Variants in PALB2 observed in about 807,000 individuals in gnomAD.
PALB2 encodes partner and localizer of BRCA2.
Under a neutral mutation model 107.4 loss-of-function variants are expected in PALB2, and 82 were observed. The observed-to-expected ratio is 0.76, with a 90% CI of 0.64 to 0.92. The LOEUF is 0.92. PALB2 is among the 40% of genes least tolerant of loss of function. The pLI is 0.00. For synonymous variants in PALB2, 489 were observed against 496.8 expected (o/e 0.98, Z 0.21); for missense variants, 1,374 against 1,379.9 (o/e 1.00, Z 0.07).
At chr16:23,613,982 G>A (rs1233575092) in intron 11 of PALB2, 22 bp downstream of exon 11, 2 of 1,570,816 alleles carry the variant, frequency 1.3e-6, no homozygotes, top group African/African-American at 1.4e-5. Context: ...ACACAAAGTG[G>A]TCCCAGCCAG....
Position 23,635,670 on chromosome 16 carries a change from T to C in PALB2, c.876A>G (p.Gln292=), listed in dbSNP as rs1408180894. The C allele has an allele frequency of 6.2e-7, 1 of 1,614,104 alleles. No homozygotes were observed. The highest frequency in any genetic ancestry group is 1.1e-5 in the South Asian group (1 of 91,076). The change falls in exon 4 of 13, where the codon CAA becomes CAG. Residue 292 remains glutamine, a synonymous_variant. Coordinates refer to ENST00000261584, the MANE Select transcript of PALB2 (RefSeq NM_024675.4). ...RFTSPVSLEA[Q]GKKMTVSTDN... ...CTGTAGAGACAGTCATTTTTTTGCC[T>C]TGTGCCTCCAAACTTACAGGTGAAG...
In PALB2 at chr16:23,607,722, C is replaced by A. The variant is rs999269089; in HGVS notation, c.3350+142G>T. On this transcript the variant is annotated intron_variant, in intron 12 of 12. Transcript: ENST00000261584. ...TTGACTCAAGTCCACTAATCTTCATCCTACTTCTGAATATTCCTATCATGA... is the reference window on the plus strand; with the variant it reads ...TTGACTCAAGTCCACTAATCTTCATACTACTTCTGAATATTCCTATCATGA... 3.9e-6 allele frequency: 4 copies of A among 1,036,666 alleles called. No individual in the cohort carries two copies. In the South Asian group the frequency reaches 4.0e-5, roughly 10 times the overall value. 64.2% of individuals were successfully genotyped at this position (1,036,666 alleles called of 1,614,324 possible).
chr16:23,638,125 T>C lies in PALB2; in HGVS notation c.53A>G (p.Lys18Arg), dbSNP rs138789658. Residue 18 changes from lysine to arginine, a missense_variant, in exon 2 of 13, where the codon AAG becomes AGG. By Grantham distance (26) the Lys-to-Arg change is conservative. Transcript: ENST00000261584. Reference sequence around the variant, plus strand: ...CCTTTTCAAGAATGCTAATTTCTCCTTTAACTGGAAGAAGAAAAACACCAA... The same window carrying C: ...CCTTTTCAAGAATGCTAATTTCTCCCTTAACTGGAAGAAGAAAAACACCAA... ...PLSCEEKEKL[K>R]EKLAFLKREY... 1,486 of 1,613,708 alleles carry C rather than the reference T, an allele frequency of 9.2e-4. 7 individuals carry two copies. In the African/African-American group the frequency reaches 0.016, roughly 17 times the overall value.
chr16:23,627,254 G>A (rs1013234170), intron 6 of PALB2, among the ~76,000 whole-genome samples: 4 of 151,730 alleles, frequency 2.6e-5, no homozygotes, highest in Non-Finnish European at 5.9e-5. Context: ...TTGGGAGGCC[G>A]AGGCGGGTGG....
chr16:23,617,893 C>G (rs973693857), intron 10 of PALB2: 1 of 152,004 alleles, frequency 6.6e-6, no homozygotes, highest in African/African-American at 2.4e-5. Flanking sequence ...ATAGAAATCC[C>G]TCCCCAACTT....
chr16:23,610,497 C>T (rs1156638475), intron 11 of PALB2, among the ~76,000 whole-genome samples: 1 of 151,340 alleles, frequency 6.6e-6, no homozygotes. Context: ...TTAGGAGAGA[C>T]GGAGTTTCAC....
At position 23,636,037 on chromosome 16, in the gene PALB2, C is replaced by G. The variant is rs898765598; in HGVS notation, c.509G>C (p.Arg170Thr). 3 of 1,614,050 alleles carry G rather than the reference C, an allele frequency of 1.9e-6. No homozygotes were observed. The highest frequency in any genetic ancestry group is 2.5e-6 in the Non-Finnish European group (3 of 1,179,964). ...TTCCTTTAGTCTTTTCCCAGACAATCTGAGTGAATCAGTGCCAAAGACACA... is the reference window on the plus strand; with the variant it reads ...TTCCTTTAGTCTTTTCCCAGACAATGTGAGTGAATCAGTGCCAAAGACACA... The part of the protein sequence containing the change: ...RDCVFGTDSL[R>T]LSGKRLKEQE... The change falls in exon 4 of 13, where the codon AGA (arginine) becomes ACA (threonine). Residue 170 changes from arginine to threonine, a missense_variant. By Grantham distance (71) the Arg-to-Thr change is moderately conservative. Coordinates refer to ENST00000261584, the MANE Select transcript of PALB2 (RefSeq NM_024675.4).
At chr16:23,612,243 GAC>G (rs1966600231) in intron 11 of PALB2, among the ~76,000 whole-genome samples, 1 of 152,140 alleles carries the variant, frequency 6.6e-6, no homozygotes, top group South Asian at 2.1e-4. Context: ...TTTATTTTGA[GAC>G]AGAGTCTTGC....
At chr16:23,630,546 G>A in intron 4 of PALB2, 77 bp from the exon 5 acceptor site, 1 of 1,128,570 alleles carries the variant, frequency 8.9e-7, no homozygotes, top group Non-Finnish European at 1.3e-6. Context: ...ATGACAAAGA[G>A]AATAGGATCT....
At chr16:23,607,026 C>G (rs970420043) in intron 12 of PALB2, among the ~76,000 whole-genome samples, 1 of 151,316 alleles carries the variant, frequency 6.6e-6, no homozygotes, top group Admixed American at 6.6e-5. Flanking sequence ...CTTGGCCAGG[C>G]TGGTGAACTC....
intron 4 of PALB2, among the ~76,000 whole-genome samples, chr16:23,631,768 T>C (rs1966880061): frequency 6.6e-6 from 1 of 152,132 alleles, no homozygotes; most frequent in Admixed American, 6.6e-5. Flanking sequence ...GCTGCCAGAG[T>C]ATGTTCTACA....
intron 4 of PALB2, 79 bp from the exon 5 acceptor site, chr16:23,630,548 A>C: frequency 8.9e-7 from 1 of 1,120,776 alleles, no homozygotes; most frequent in East Asian, 2.6e-5. Context: ...GACAAAGAGA[A>C]TAGGATCTCC....
At position 23,635,431 on chromosome 16, in the gene PALB2, C is replaced by G. The variant is rs786204243; in HGVS notation, c.1115G>C (p.Ser372Thr). The change falls in exon 4 of 13, where the codon AGT becomes ACT. Residue 372 changes from serine to threonine, a missense_variant. Transcript: ENST00000261584. ...LDGRNENLQE[S>T]EILSQPKSLS... ...ACTCTTAGGTTGACTTAGAATCTCA[C>G]TTTCCTGAAGATTTTCATTCCTGCC... 1 of 1,614,008 alleles carries G rather than the reference C, an allele frequency of 6.2e-7. No individual in the cohort carries two copies. The highest frequency in any genetic ancestry group is 8.5e-7 in the Non-Finnish European group (1 of 1,179,904).
chr16:23,635,511 T>C lies in PALB2; in HGVS notation c.1035A>G (p.Leu345=), dbSNP rs876658634. The C allele has an allele frequency of 6.2e-7, 1 of 1,613,894 alleles. No individual in the cohort carries two copies. The highest frequency in any genetic ancestry group is 2.2e-5 in the East Asian group (1 of 44,874). Residue 345 remains leucine, a synonymous_variant, in exon 4 of 13, where the codon TTA becomes TTG. Coordinates refer to ENST00000261584, the MANE Select transcript of PALB2 (RefSeq NM_024675.4). The stretch of plus-strand genomic sequence containing the variant: ...ATTTCTCTGTTTGATTTTGTTCTTT[T>C]AAGTTTTGGTTTTCATTTGCTGGTA... ...NNLPANENQN[L]KEQNQTEKSL...
rs587776407 is a variant in PALB2, at chr16:23,636,095, G to T, written c.451C>A (p.Gln151Lys). 1 of 1,613,806 alleles carries T rather than the reference G, an allele frequency of 6.2e-7. No individual in the cohort carries two copies. Among genetic ancestry groups the T allele is most frequent in the South Asian group, 1.1e-5 (1 of 91,064 alleles). ...TCCTGTGAAATAAATGTCCTCTTCT[G>T]CTGCTTCTTTCTTCTGCTTGGCAGC... ...QKLPSRRKKQ[Q>K]KRTFISQERD... The change falls in exon 4 of 13, where the codon CAG becomes AAG. Residue 151 changes from glutamine (Q) to lysine (K), a missense_variant. Transcript: ENST00000261584.
rs370468259 is a variant in PALB2 at position 23,634,918 on chromosome 16, T to G, written c.1628A>C (p.Lys543Thr). 2 of 1,614,208 alleles carry G rather than the reference T, an allele frequency of 1.2e-6. No homozygotes were observed. The highest frequency in any genetic ancestry group is 3.3e-5 in the Admixed American group (2 of 60,024). ...TSSLSIVNRS[K>T]EEVTSHKYQH... ...ATATTTGTGTGAGGTGACTTCTTCC[T>G]TGGACCTGTTAACAATCGACAGGCT... The change falls in exon 4 of 13, where the codon AAG becomes ACG. Residue 543 changes from lysine to threonine, a missense_variant. By Grantham distance (78) the Lys-to-Thr change is moderately conservative. Coordinates refer to ENST00000261584, the MANE Select transcript of PALB2 (RefSeq NM_024675.4).
chr16:23,612,438 C>T (rs902600311), intron 11 of PALB2, among the ~76,000 whole-genome samples: 3 of 151,500 alleles, frequency 2.0e-5, no homozygotes, highest in South Asian at 2.1e-4. Flanking sequence ...AGGCTGGTCT[C>T]GAACTACTGA....
rs730881880 is a variant in PALB2 at position 23,636,182 on chromosome 16, C to T, written c.364G>A (p.Asp122Asn). 10 of 1,612,938 alleles carry T rather than the reference C, an allele frequency of 6.2e-6. No individual in the cohort carries two copies. Among genetic ancestry groups the T allele is most frequent in the Non-Finnish European group, 8.5e-6 (10 of 1,179,728 alleles). ...GPGGLPIQRTDDTQEHFPHRV... is the reference protein window; with the variant it reads ...GPGGLPIQRTNDTQEHFPHRV... ...TGGGGAAAATGTTCTTGGGTGTCAT[C>T]TGTTCTTTGTATAGGTAATCCTCCT... Residue 122 changes from aspartate (D) to asparagine (N), a missense_variant, in exon 4 of 13, where the codon GAT becomes AAT. Asp to Asn is a conservative substitution (Grantham distance 23, BLOSUM62 1). Coordinates refer to ENST00000261584, the MANE Select transcript of PALB2 (RefSeq NM_024675.4).
Position 23,636,122 on chromosome 16 carries a change from T to G in PALB2, c.424A>C (p.Lys142Gln). The G allele has an allele frequency of 6.2e-7, 1 of 1,613,606 alleles. No individual in the cohort carries two copies. The highest frequency in any genetic ancestry group is 1.1e-5 in the South Asian group (1 of 91,038). The part of the protein sequence containing the change: ...VSDPSGEQKQ[K>Q]LPSRRKKQQK... ...TGCTTCTTTCTTCTGCTTGGCAGCT[T>G]CTGCTTTTGCTCACCACTAGGGTCA... is the stretch of plus-strand genomic sequence containing the variant. Residue 142 changes from lysine (K) to glutamine (Q), a missense_variant, in exon 4 of 13, where the codon AAG (lysine) becomes CAG (glutamine). Transcript: ENST00000261584.
Sources: allele counts gnomAD v4.1 joint callset (sites outside exome capture counted in the v4.1 genomes callset), GRCh38; gene constraint gnomAD v4.1.1; transcripts MANE v1.5; gene names NCBI Gene and HGNC (gene_info 2026-07-23, HGNC 2026-07-21).